Variants in GABRG3 observed in about 807,000 individuals in gnomAD.
GABRG3 encodes the protein gamma-aminobutyric acid type A receptor subunit gamma3.
GABRG3 carries 25 observed loss-of-function variants against 48.8 expected under a neutral mutation model. That is an observed-to-expected ratio of 0.51 (90% CI 0.37 to 0.72). GABRG3 has a LOEUF of 0.72. Ranked by LOEUF, GABRG3 falls within the 30% of genes least tolerant of loss-of-function variation. The pLI is 0.00. For synonymous variants in GABRG3, 227 were observed against 217.6 expected (o/e 1.04, Z -0.38); for missense variants, 394 against 577.9 (o/e 0.68, Z 3.26).
At chr15:27,222,378 T>C (rs1390941810) in intron 3 of GABRG3, among the ~76,000 whole-genome samples, 1 of 152,226 alleles carries the variant, frequency 6.6e-6, no homozygotes, top group Non-Finnish European at 1.5e-5. Context: ...AGATACTTAA[T>C]ACCAAATAAG....
chr15:27,414,786 C>T (rs1887894292), intron 5 of GABRG3, among the ~76,000 whole-genome samples: 1 of 152,176 alleles, frequency 6.6e-6, no homozygotes, highest in African/African-American at 2.4e-5. Context: ...AACGTCTTTG[C>T]TTTATCGTCA....
chr15:27,146,440 C>T (rs916045498), intron 3 of GABRG3, among the ~76,000 whole-genome samples: 7 of 152,022 alleles, frequency 4.6e-5, no homozygotes, highest in Admixed American at 1.3e-4. Flanking sequence ...CTGCGTGACA[C>T]GGTGAGACTC....
rs1891494662 is a variant in GABRG3 at position 27,534,095 on chromosome 15, C to T, written c.*1214C>T. The T allele has an allele frequency of 6.6e-6, 1 of 151,722 alleles. No homozygotes were observed. The highest frequency in any genetic ancestry group is 2.4e-5 in the African/African-American group (1 of 41,240). The allele number at this position is 151,722 out of a possible 1,614,324, so 9.4% of individuals were successfully genotyped here. ...CTGGCTGGTCTCGAACTCCTGACCT[C>T]AGGTGATCTGCCCGCCTCAGCCTCC... On this transcript the variant is annotated 3_prime_UTR_variant, in exon 10 of 10. Coordinates refer to ENST00000615808, the MANE Select transcript of GABRG3 (RefSeq NM_033223.5).
intron 3 of GABRG3, among the ~76,000 whole-genome samples, chr15:27,135,648 T>C (rs778710260): frequency 9.9e-5 from 15 of 152,184 alleles, no homozygotes; most frequent in Non-Finnish European, 2.1e-4. Context: ...GGCTCAAGCC[T>C]GTAATCCTAG....
rs559107992 is a variant in GABRG3 at position 27,428,593 on chromosome 15, CAT to C, written c.575-52054_575-52053del. 2.0e-4 allele frequency among the ~76,000 whole-genome samples: 31 copies of C among 152,270 alleles called. 1 individual carries two copies. In the East Asian group the frequency reaches 6.0e-3, roughly 29 times the overall value. On this transcript the variant is annotated intron_variant, in intron 5 of 9. Coordinates refer to ENST00000615808, the MANE Select transcript of GABRG3 (RefSeq NM_033223.5). ...GAATTTGTGTAATTTTCAAAAATAA[CAT>C]ATGTAAGAAGCTGAACTTTTCTTGT...
intron 5 of GABRG3, among the ~76,000 whole-genome samples, chr15:27,334,587 C>A (rs72703816): frequency 6.6e-6 from 1 of 152,080 alleles, no homozygotes; most frequent in Non-Finnish European, 1.5e-5. Context: ...CTGCTGTTAG[C>A]GTGTCTTGAA....
At chr15:27,451,155 A>G (rs1356187710) in intron 5 of GABRG3, among the ~76,000 whole-genome samples, 1 of 152,228 alleles carries the variant, frequency 6.6e-6, no homozygotes, top group Non-Finnish European at 1.5e-5. Context: ...CAAAATTTCA[A>G]TGATATATTT....
chr15:27,403,904 CAAAAAAAAACAAAAA>C (rs1364051148), intron 5 of GABRG3, among the ~76,000 whole-genome samples: 58 of 39,194 alleles, frequency 1.5e-3, no homozygotes, highest in Non-Finnish European at 1.8e-3. Context: ...AAGCCAGACT[CAAAAAAAAACAAAAA>C]AAAAAAAAAC....
chr15:27,532,427 CAAA>C (rs374534463), intron 9 of GABRG3, among the ~76,000 whole-genome samples, 170 bp from the exon 10 acceptor site: 10 of 74,634 alleles, frequency 1.3e-4, no homozygotes, highest in East Asian at 1.2e-3. Flanking sequence ...TCCTTAAAAC[CAAA>C]AAAAAAAAAA....
chr15:27,485,561 G>A (rs1004259275), intron 6 of GABRG3, among the ~76,000 whole-genome samples: 1 of 152,136 alleles, frequency 6.6e-6, no homozygotes, highest in African/African-American at 2.4e-5. Context: ...CTACAGCTCA[G>A]CCTTCAGTCA....
intron 2 of GABRG3, among the ~76,000 whole-genome samples, chr15:27,013,875 G>A (rs916820831): frequency 6.6e-6 from 1 of 152,078 alleles, no homozygotes; most frequent in South Asian, 2.1e-4. Flanking sequence ...TTTGGAATTG[G>A]CTTTTCTATT....
intron 2 of GABRG3, among the ~76,000 whole-genome samples, chr15:27,020,461 G>A (rs572934655): frequency 6.6e-5 from 10 of 152,320 alleles, no homozygotes; most frequent in African/African-American, 2.4e-4. Context: ...GCCCAGGCTG[G>A]AGTGCAGTGG....
At chr15:27,525,619 A>G (rs985412495) in intron 7 of GABRG3, among the ~76,000 whole-genome samples, 4 of 152,178 alleles carry the variant, frequency 2.6e-5, no homozygotes, top group Non-Finnish European at 1.5e-5. Flanking sequence ...AGGTCTATGG[A>G]AATTACAGAC....
At chr15:27,004,049 C>T (rs962556305) in intron 2 of GABRG3, among the ~76,000 whole-genome samples, 4 of 148,868 alleles carry the variant, frequency 2.7e-5, no homozygotes, top group African/African-American at 7.4e-5. Flanking sequence ...AACTCCCTCC[C>T]GGACGGGGCG....
At chr15:27,516,422 G>A (rs1030142355) in intron 6 of GABRG3, among the ~76,000 whole-genome samples, 8 of 152,088 alleles carry the variant, frequency 5.3e-5, no homozygotes, top group African/African-American at 1.2e-4. Flanking sequence ...ATTCCTACCC[G>A]TCAACCTATC....
At position 27,162,791 on chromosome 15, in the gene GABRG3, G is replaced by T. The variant is rs565459289; in HGVS notation, c.270+135970G>T. 2.6e-5 allele frequency among the ~76,000 whole-genome samples: 4 copies of T among 152,208 alleles called. No homozygotes were observed. The South Asian group carries it at 6.2e-4, about 24-fold the overall frequency. On this transcript the variant is annotated intron_variant, in intron 3 of 9. Coordinates refer to ENST00000615808, the MANE Select transcript of GABRG3 (RefSeq NM_033223.5). ...TATGAGGGTTCTGCATTCACAGTTG[G>T]GATAAGGGACCAGCAGAAAATTAGC...
chr15:26,978,457 A>G (rs1445813373), intron 2 of GABRG3, among the ~76,000 whole-genome samples: 1 of 152,170 alleles, frequency 6.6e-6, no homozygotes, highest in Non-Finnish European at 1.5e-5. Context: ...TTGTAATTTC[A>G]TCCTTTACAT....
chr15:27,321,016 C>T (rs998858510), intron 3 of GABRG3, among the ~76,000 whole-genome samples: 1 of 152,216 alleles, frequency 6.6e-6, no homozygotes, highest in Non-Finnish European at 1.5e-5. Context: ...TAACCCTTCA[C>T]AACCTGCCCT....
chr15:27,262,553 T>C (rs1890798887), intron 3 of GABRG3, among the ~76,000 whole-genome samples: 1 of 152,220 alleles, frequency 6.6e-6, no homozygotes, highest in Non-Finnish European at 1.5e-5. Context: ...AGCTCACACA[T>C]TTCCGTCACA....
Sources: gnomAD v4.1 joint callset for allele counts (sites outside exome capture counted in the v4.1 genomes callset) on GRCh38, gnomAD v4.1.1 for gene constraint, MANE v1.5 for transcripts, NCBI Gene and HGNC (gene_info 2026-07-23, HGNC 2026-07-21) for gene names.